Variants in COBLL1 observed in about 807,000 individuals in gnomAD.
COBLL1 encodes cordon-bleu protein-like 1.
COBLL1 carries 50 observed loss-of-function variants against 94.8 expected under a neutral mutation model. The observed-to-expected ratio is 0.53, with a 90% CI of 0.42 to 0.67. The LOEUF is 0.67. Ranked by LOEUF, COBLL1 falls within the 30% of genes least tolerant of loss-of-function variation. The pLI is 0.00. For synonymous variants in COBLL1, 448 were observed against 473.8 expected (o/e 0.95, Z 0.71); for missense variants, 1,362 against 1,348.7 (o/e 1.01, Z -0.15).
At chr2:164,835,528 G>T (rs890988337) in intron 2 of COBLL1, among the ~76,000 whole-genome samples, 1 of 152,108 alleles carries the variant, frequency 6.6e-6, no homozygotes, top group African/African-American at 2.4e-5. Context: ...ATGGGTATAG[G>T]GTTTCAGTTT....
chr2:164,752,291 G>T (rs942641549), intron 2 of COBLL1, among the ~76,000 whole-genome samples: 1 of 152,114 alleles, frequency 6.6e-6, no homozygotes, highest in Non-Finnish European at 1.5e-5. Context: ...ACAGATTAAG[G>T]AACTTGCCTA....
At chr2:164,758,469 A>G (rs990539979) in intron 2 of COBLL1, among the ~76,000 whole-genome samples, 4 of 152,134 alleles carry the variant, frequency 2.6e-5, no homozygotes, top group Non-Finnish European at 5.9e-5. Flanking sequence ...CCCAATGCTC[A>G]CTTATGATTC....
At chr2:164,660,573 T>A (rs1691054719) in intron 2 of COBLL1, among the ~76,000 whole-genome samples, 1 of 152,158 alleles carries the variant, frequency 6.6e-6, no homozygotes, top group African/African-American at 2.4e-5. Flanking sequence ...GTACACTACC[T>A]ATGTTCCTTT....
At chr2:164,709,790 C>G (rs185389460) in intron 7 of COBLL1, among the ~76,000 whole-genome samples, 1 of 152,044 alleles carries the variant, frequency 6.6e-6, no homozygotes, top group Non-Finnish European at 1.5e-5. Flanking sequence ...CTAATTGATA[C>G]GACGTACAAT....
In COBLL1 at chr2:164,680,755, A is replaced by G. The variant is rs528969051; in HGVS notation, c.*5191T>C. On this transcript the variant is annotated 3_prime_UTR_variant, in exon 14 of 14. Transcript: ENST00000652658. ...ATATTGTATGGGATATGCTTATACT[A>G]AAAAAAAATTTGTTGTTTATCCGAA... 14 of 151,578 alleles carry G rather than the reference A, an allele frequency of 9.2e-5. No individual in the cohort carries two copies. Among genetic ancestry groups the G allele is most frequent in the Non-Finnish European group, 2.1e-4 (14 of 67,848 alleles). The allele number at this position is 151,578 out of a possible 1,614,324, so 9.4% of individuals were successfully genotyped here.
At chr2:164,724,930 T>C (rs80154058) in intron 5 of COBLL1, 2 of 151,908 alleles carry the variant, frequency 1.3e-5, no homozygotes, top group African/African-American at 4.8e-5. Context: ...TTCTGCACAA[T>C]GAGTTTGACA....
At chr2:164,743,234 T>TTTAAGAGTAATAAAACTCTTAAAA (rs1280790111) in intron 3 of COBLL1, 1 of 153,644 alleles carries the variant, frequency 6.5e-6, no homozygotes, top group South Asian at 2.0e-4. Flanking sequence ...AGTATTACAT[T>TTTAAGAGTAATAAAACTCTTAAAA]TTAAGAGTAA....
chr2:164,763,711 T>A (rs937313984), intron 2 of COBLL1, among the ~76,000 whole-genome samples: 1 of 152,194 alleles, frequency 6.6e-6, no homozygotes, highest in Non-Finnish European at 1.5e-5. Context: ...AGAAAATAAG[T>A]GCTTTTAGTA....
At chr2:164,785,846 G>A (rs1042732499) in intron 2 of COBLL1, among the ~76,000 whole-genome samples, 1 of 151,290 alleles carries the variant, frequency 6.6e-6, no homozygotes, top group Non-Finnish European at 1.5e-5. Flanking sequence ...TGATTCAGGG[G>A]CATAGGCTAC....
intron 1 of COBLL1, among the ~76,000 whole-genome samples, chr2:164,674,561 G>A (rs903768701): frequency 6.6e-6 from 1 of 152,078 alleles, no homozygotes; most frequent in African/African-American, 2.4e-5. Flanking sequence ...AATACCTACT[G>A]TTATTTTTTA....
intron 5 of COBLL1, among the ~76,000 whole-genome samples, chr2:164,725,578 C>T (rs536617029): frequency 6.6e-6 from 1 of 152,026 alleles, no homozygotes; most frequent in Non-Finnish European, 1.5e-5. Context: ...GCCACCACAC[C>T]CGGCTAATTT....
intron 2 of COBLL1, among the ~76,000 whole-genome samples, chr2:164,756,748 C>T (rs958047322): frequency 1.3e-5 from 2 of 151,666 alleles, no homozygotes; most frequent in African/African-American, 4.8e-5. Context: ...CAGAAAGGCA[C>T]AGGGTAATAA....
chr2:164,779,539 T>C, intron 2 of COBLL1: 2 of 343,988 alleles, frequency 5.8e-6, no homozygotes, highest in South Asian at 4.9e-5. Context: ...TCCTCCTTGC[T>C]CTTAATGACC....
At chr2:164,753,435 T>C (rs1249087626) in intron 2 of COBLL1, among the ~76,000 whole-genome samples, 10 of 136,328 alleles carry the variant, frequency 7.3e-5, no homozygotes, top group African/African-American at 2.5e-4. Flanking sequence ...AATCTCTCTC[T>C]CCAAGGTGCA....
At chr2:164,712,512 T>A (rs1406880951) in intron 7 of COBLL1, among the ~76,000 whole-genome samples, 1 of 152,062 alleles carries the variant, frequency 6.6e-6, no homozygotes, top group African/African-American at 2.4e-5. Flanking sequence ...GTATAAAATA[T>A]CTTATAAATT....
intron 2 of COBLL1, among the ~76,000 whole-genome samples, chr2:164,826,162 T>C (rs750800353): frequency 1.3e-5 from 2 of 152,236 alleles, no homozygotes; most frequent in South Asian, 4.1e-4. Flanking sequence ...TTCACCAGAA[T>C]GGTGAAGCGA....
At chr2:164,786,540 G>C (rs1275866654) in intron 2 of COBLL1, among the ~76,000 whole-genome samples, 2 of 152,190 alleles carry the variant, frequency 1.3e-5, no homozygotes, top group South Asian at 4.1e-4. Context: ...AAGCAGCTCA[G>C]TTTCTTGGGT....
At chr2:164,658,617 T>G (rs974691804) in intron 2 of COBLL1, among the ~76,000 whole-genome samples, 1 of 152,226 alleles carries the variant, frequency 6.6e-6, no homozygotes, top group African/African-American at 2.4e-5. Context: ...CCTGATAGTT[T>G]TGAAAAGGCC....
downstream of COBLL1, among the ~76,000 whole-genome samples, chr2:164,677,038 C>T (rs776017287): frequency 6.6e-6 from 1 of 152,168 alleles, no homozygotes; most frequent in Non-Finnish European, 1.5e-5. Flanking sequence ...CCCTTTCTCC[C>T]TCTCACAGGT....
Sources: allele counts gnomAD v4.1 joint callset (sites outside exome capture counted in the v4.1 genomes callset), GRCh38; gene constraint gnomAD v4.1.1; transcripts MANE v1.5; gene names NCBI Gene and HGNC (gene_info 2026-07-23, HGNC 2026-07-21).